The following PIK3CB variants were observed in gnomAD, a reference collection of about 807,000 sequenced individuals.
PIK3CB encodes phosphatidylinositol-4,5-bisphosphate 3-kinase catalytic subunit beta.
Under a neutral mutation model 136.8 loss-of-function variants are expected in PIK3CB, and 39 were observed. The ratio of observed to expected loss-of-function variants is 0.29; its 90% CI spans 0.22 to 0.37. PIK3CB has a LOEUF of 0.37. PIK3CB is among the 10% of genes least tolerant of loss of function. The pLI, the probability that PIK3CB is intolerant of heterozygous loss-of-function variation, is 1.00. For synonymous variants in PIK3CB, 428 were observed against 436.6 expected (o/e 0.98, Z 0.25); for missense variants, 868 against 1,275.4 (o/e 0.68, Z 4.87).
At chr3:138,662,113 CT>C (rs1173189507) in intron 21 of PIK3CB, among the ~76,000 whole-genome samples, 3,699 of 135,926 alleles carry the variant, frequency 0.027, 95 homozygotes, top group African/African-American at 0.078. Flanking sequence ...CATTGGTAAT[CT>C]TTTTTTTTTT....
Position 138,707,203 on chromosome 3 carries a change from G to C in PIK3CB, c.1486C>G (p.Pro496Ala). ...TAATAAGGTTGTTTTTTATTCTCTG[G>C]AAATTTAACATGCAAAGCTGTTGCA... ...ENATALHVKF[P>A]ENKKQPYYYP... The change falls in exon 11 of 24, where the codon CCA (proline) becomes GCA (alanine). Residue 496 changes from proline to alanine, a missense_variant. This residue lies in a region of PIK3CB where 612 missense variants were observed against 801.1 expected (regional missense o/e 0.76). Coordinates refer to ENST00000674063, the MANE Select transcript of PIK3CB (RefSeq NM_006219.3). The C allele has an allele frequency of 6.2e-7, 1 of 1,612,604 alleles. No homozygotes were observed. The highest frequency in any genetic ancestry group is 8.5e-7 in the Non-Finnish European group (1 of 1,178,982).
At chr3:138,816,572 G>A (rs1933339024) in intron 1 of PIK3CB, among the ~76,000 whole-genome samples, 1 of 150,538 alleles carries the variant, frequency 6.6e-6, no homozygotes, top group Non-Finnish European at 1.5e-5. Context: ...TCTAGCCTGG[G>A]GACAAGAGTG....
chr3:138,732,051 A>G (rs2044987850), intron 8 of PIK3CB, among the ~76,000 whole-genome samples: 1 of 152,148 alleles, frequency 6.6e-6, no homozygotes, highest in African/African-American at 2.4e-5. Context: ...TAGCTACTCA[A>G]AGAATCTTCT....
In PIK3CB at chr3:138,748,840, T is replaced by C. The variant is rs187699924; in HGVS notation, c.398-6059A>G. Among the ~76,000 whole-genome samples the C allele has an allele frequency of 2.8e-3, 429 of 152,306 alleles. 1 individual carries two copies. Among genetic ancestry groups the C allele is most frequent in the African/African-American group, 8.3e-3 (344 of 41,572 alleles). On this transcript the variant is annotated intron_variant, in intron 4 of 23. Coordinates refer to ENST00000674063, the MANE Select transcript of PIK3CB (RefSeq NM_006219.3). The stretch of plus-strand genomic sequence containing the variant: ...TGTAGTATTAGGGAGGAATGCACAG[T>C]GAGGAAAGTTACTTTTTATTCCATA...
At chr3:138,737,276 C>T (rs2045128676) in intron 6 of PIK3CB, among the ~76,000 whole-genome samples, 1 of 151,224 alleles carries the variant, frequency 6.6e-6, no homozygotes, top group Admixed American at 6.6e-5. Context: ...ACCTGTAATC[C>T]CAACTACTCG....
intron 1 of PIK3CB, among the ~76,000 whole-genome samples, chr3:138,824,892 CAAAA>C (rs57342129): frequency 3.2e-5 from 2 of 62,356 alleles, no homozygotes. Flanking sequence ...TACAAAATAC[CAAAA>C]AAAAAAAAAA....
At chr3:138,830,136 G>C (rs556526427) in intron 1 of PIK3CB, among the ~76,000 whole-genome samples, 1 of 152,308 alleles carries the variant, frequency 6.6e-6, no homozygotes, top group Admixed American at 6.5e-5. Flanking sequence ...AAGTCAAAGA[G>C]AGTGAAGAGG....
chr3:138,812,254 G>C (rs1213076743), intron 1 of PIK3CB, among the ~76,000 whole-genome samples: 1 of 149,558 alleles, frequency 6.7e-6, no homozygotes, highest in Non-Finnish European at 1.5e-5. Flanking sequence ...TTTTTTTTTG[G>C]GGGGACAGAG....
chr3:138,703,289 G>C (rs1361539565), intron 12 of PIK3CB, among the ~76,000 whole-genome samples: 4 of 152,154 alleles, frequency 2.6e-5, no homozygotes, highest in Admixed American at 2.6e-4. Flanking sequence ...AATGGCAAAG[G>C]AGAAGACAGC....
At chr3:138,802,682 C>T (rs567974846) in intron 1 of PIK3CB, among the ~76,000 whole-genome samples, 2 of 152,284 alleles carry the variant, frequency 1.3e-5, no homozygotes, top group Admixed American at 6.5e-5. Flanking sequence ...ATTCTGTGGT[C>T]CACAATACCC....
intron 2 of PIK3CB, among the ~76,000 whole-genome samples, chr3:138,784,101 G>A (rs1220940101): frequency 6.6e-6 from 1 of 152,142 alleles, no homozygotes; most frequent in East Asian, 1.9e-4. Context: ...CTACGAAAAT[G>A]CTTATCCGGG....
chr3:138,827,169 C>G (rs1933817931), intron 1 of PIK3CB, among the ~76,000 whole-genome samples: 1 of 152,276 alleles, frequency 6.6e-6, no homozygotes, highest in South Asian at 2.1e-4. Context: ...CCCCTTCAGT[C>G]AAGACCAAAA....
chr3:138,805,533 G>A (rs183915834), intron 1 of PIK3CB, among the ~76,000 whole-genome samples: 6 of 149,832 alleles, frequency 4.0e-5, no homozygotes, highest in Admixed American at 1.3e-4. Context: ...TTAGCCAGGC[G>A]TGGTGGCACG....
At chr3:138,798,525 T>C (rs773507569) in intron 1 of PIK3CB, among the ~76,000 whole-genome samples, 8 of 152,164 alleles carry the variant, frequency 5.3e-5, no homozygotes, top group Non-Finnish European at 1.2e-4. Context: ...ACATGAGAAA[T>C]TGAACAATAG....
chr3:138,823,025 G>A (rs73229594), intron 1 of PIK3CB, among the ~76,000 whole-genome samples: 14 of 150,410 alleles, frequency 9.3e-5, no homozygotes, highest in Non-Finnish European at 1.6e-4. Flanking sequence ...GGTTCAAGCC[G>A]ATATTTATCA....
At position 138,772,478 on chromosome 3, in the gene PIK3CB, G is replaced by A. The variant is rs141012968; in HGVS notation, c.-16-13119C>T. On this transcript the variant is annotated intron_variant, in intron 2 of 23. Coordinates refer to ENST00000674063, the MANE Select transcript of PIK3CB (RefSeq NM_006219.3). ...TTATTTTATTTATTTATTTTTTTGA[G>A]ACAGGGTCTTACTCTGTTGCCCAGG... Among the ~76,000 whole-genome samples the A allele has an allele frequency of 5.1e-3, 777 of 151,626 alleles. 40 individuals carry two copies. The East Asian group carries it at 0.11, about 22-fold the overall frequency.
intron 4 of PIK3CB, 62 bp from the exon 5 acceptor site, chr3:138,742,843 G>A: frequency 3.3e-6 from 3 of 917,370 alleles, no homozygotes; most frequent in Non-Finnish European, 4.9e-6. Context: ...AATATAGAAA[G>A]AATACAAAGT....
intron 9 of PIK3CB, among the ~76,000 whole-genome samples, chr3:138,712,569 ATTTT>A (rs112800043): frequency 1.4e-5 from 2 of 141,574 alleles, no homozygotes; most frequent in African/African-American, 2.6e-5. Flanking sequence ...TGTGAAAATG[ATTTT>A]TTTTTTTTTT....
At chr3:138,818,917 T>C (rs976903798) in intron 1 of PIK3CB, among the ~76,000 whole-genome samples, 1 of 152,152 alleles carries the variant, frequency 6.6e-6, no homozygotes, top group Admixed American at 6.6e-5. Context: ...AAATTATATA[T>C]ATGCTAATGG....
Sources: allele counts gnomAD v4.1 joint callset (sites outside exome capture counted in the v4.1 genomes callset), GRCh38; gene constraint gnomAD v4.1.1; regional missense constraint gnomAD v4.1.1; transcripts MANE v1.5; gene names NCBI Gene and HGNC (gene_info 2026-07-23, HGNC 2026-07-21).